The following CDH13 variants were observed in gnomAD, a reference collection of about 807,000 sequenced individuals.
CDH13 encodes the protein cadherin 13.
Under a neutral mutation model 63.8 loss-of-function variants are expected in CDH13, and 24 were observed. The ratio of observed to expected loss-of-function variants is 0.38; its 90% confidence interval spans 0.27 to 0.53. The LOEUF is 0.53. CDH13 is among the 20% of genes least tolerant of loss of function. The pLI is 0.85. For synonymous variants in CDH13, 503 were observed against 355.3 expected, an observed-to-expected ratio of 1.42 and a Z score of -4.67; for missense variants, 1,049 against 903.1, an observed-to-expected ratio of 1.16 and a Z score of -2.07.
chr16:83,505,541 T>TGG (rs2074376520), intron 7 of CDH13, among the ~76,000 whole-genome samples: 3 of 124,346 alleles, frequency 2.4e-5, no homozygotes, highest in South Asian at 5.5e-4. Context: ...CTTTTTTTTT[T>TGG]TTTTTTTTTT....
At position 83,557,928 on chromosome 16, in the gene CDH13, G is replaced by A. The variant is rs1363655261; in HGVS notation, c.961-44526G>A. On this transcript the variant is annotated intron_variant, in intron 7 of 13. Transcript: ENST00000567109. ...AAGAGAGACTGCTAAGGGTCTCTGG[G>A]GTGAAGGGTCTATAGATCCGTCACT... Among the ~76,000 whole-genome samples, 5 of 152,106 alleles carry A rather than the reference G, an allele frequency of 3.3e-5. No individual in the cohort carries two copies. In the South Asian group the frequency reaches 8.3e-4, roughly 25 times the overall value.
At chr16:82,656,939 C>G (rs1911369296) in intron 1 of CDH13, among the ~76,000 whole-genome samples, 1 of 133,360 alleles carries the variant, frequency 7.5e-6, no homozygotes, top group Admixed American at 7.7e-5. Flanking sequence ...TTTTTTTTAG[C>G]ATTGAATAAT....
At chr16:83,304,437 G>GT (rs113551848) in intron 5 of CDH13, among the ~76,000 whole-genome samples, 3,984 of 150,640 alleles carry the variant, frequency 0.026, 63 homozygotes, top group East Asian at 0.075. Flanking sequence ...TGATTATTCT[G>GT]TTTTTTTTTC....
chr16:83,555,455 C>T (rs2075582805), intron 7 of CDH13, among the ~76,000 whole-genome samples: 1 of 152,186 alleles, frequency 6.6e-6, no homozygotes, highest in Non-Finnish European at 1.5e-5. Context: ...TCTTAAAAGA[C>T]ATCTTTTTAT....
intron 6 of CDH13, among the ~76,000 whole-genome samples, chr16:83,370,493 G>A (rs1267136746): frequency 2.0e-5 from 3 of 150,278 alleles, no homozygotes; most frequent in South Asian, 2.1e-4. Context: ...AGGTTCAGGG[G>A]TACATGTGCA....
At position 82,777,795 on chromosome 16, in the gene CDH13, C is replaced by A. The variant is rs986160780; in HGVS notation, c.46-80567C>A. On this transcript the variant is annotated intron_variant, in intron 1 of 13. Transcript: ENST00000567109. ...TCATGGGATTGCTGGCAGGATTCTG[C>A]TTTTTCAGGCTGCTGGACTGAGGGC... 2.0e-5 allele frequency among the ~76,000 whole-genome samples: 3 copies of A among 152,100 alleles called. No homozygotes were observed. The East Asian group carries it at 5.8e-4, about 29-fold the overall frequency.
At chr16:83,714,920 G>T (rs1414823618) in intron 10 of CDH13, among the ~76,000 whole-genome samples, 1 of 152,100 alleles carries the variant, frequency 6.6e-6, no homozygotes, top group African/African-American at 2.4e-5. Context: ...TTAAGAGAAA[G>T]GAAAAGTCTT....
intron 3 of CDH13, among the ~76,000 whole-genome samples, chr16:83,062,955 G>T (rs1288957828): frequency 7.1e-6 from 1 of 141,252 alleles, no homozygotes; most frequent in Non-Finnish European, 1.5e-5. Context: ...CTTATGTGGT[G>T]GTTGGCATTT....
intron 3 of CDH13, among the ~76,000 whole-genome samples, chr16:83,077,011 G>C (rs556111598): frequency 1.3e-5 from 2 of 151,988 alleles, no homozygotes; most frequent in South Asian, 4.2e-4. Context: ...GTTTCTTCAT[G>C]ACCTTCCTAG....
intron 2 of CDH13, among the ~76,000 whole-genome samples, chr16:82,923,553 G>A (rs897520277): frequency 1.1e-4 from 16 of 152,156 alleles, no homozygotes; most frequent in African/African-American, 3.4e-4. Flanking sequence ...GGAATCTAGT[G>A]GGGCATCAGA....
At chr16:82,939,935 C>T (rs1205946303) in intron 2 of CDH13, among the ~76,000 whole-genome samples, 3 of 152,152 alleles carry the variant, frequency 2.0e-5, no homozygotes, top group Non-Finnish European at 4.4e-5. Flanking sequence ...GACTCACAGC[C>T]CTCACAATCA....
chr16:83,305,372 A>G (rs113166164), intron 5 of CDH13, among the ~76,000 whole-genome samples: 4,590 of 152,336 alleles, frequency 0.03, 106 homozygotes, highest in Non-Finnish European at 0.039. Flanking sequence ...CACAGAAAGC[A>G]TCCTGCTTGG....
At chr16:82,765,490 C>T (rs1301767597) in intron 1 of CDH13, among the ~76,000 whole-genome samples, 1 of 152,182 alleles carries the variant, frequency 6.6e-6, no homozygotes, top group East Asian at 1.9e-4. Context: ...AATCCGCTGA[C>T]AGCTCCCCAC....
At chr16:83,172,262 A>G (rs1254770430) in intron 4 of CDH13, among the ~76,000 whole-genome samples, 5 of 152,116 alleles carry the variant, frequency 3.3e-5, no homozygotes, top group Non-Finnish European at 7.4e-5. Context: ...AGGCCGAGGC[A>G]GGCAGATCAC....
chr16:82,679,251 C>T (rs1004787371), intron 1 of CDH13, among the ~76,000 whole-genome samples: 3 of 152,144 alleles, frequency 2.0e-5, no homozygotes, highest in Non-Finnish European at 2.9e-5. Context: ...TAGCTGAGGC[C>T]AGGTGCTGTC....
At chr16:82,691,175 G>T (rs920837050) in intron 1 of CDH13, among the ~76,000 whole-genome samples, 1 of 152,200 alleles carries the variant, frequency 6.6e-6, no homozygotes, top group African/African-American at 2.4e-5. Flanking sequence ...GACCCTCGTG[G>T]AGGTGTTACC....
chr16:83,050,428 A>C (rs1017679317), intron 3 of CDH13, among the ~76,000 whole-genome samples: 1 of 152,262 alleles, frequency 6.6e-6, no homozygotes, highest in South Asian at 2.1e-4. Context: ...GCAGTCCTTG[A>C]AATGCTCTTC....
chr16:82,790,386 G>C (rs1597590208), intron 1 of CDH13, among the ~76,000 whole-genome samples: 1 of 152,242 alleles, frequency 6.6e-6, no homozygotes, highest in South Asian at 2.1e-4. Flanking sequence ...AGTGAGCCAA[G>C]ATCGCACCAC....
intron 4 of CDH13, among the ~76,000 whole-genome samples, chr16:83,137,472 T>G (rs2036339999): frequency 6.6e-6 from 1 of 152,226 alleles, no homozygotes; most frequent in Non-Finnish European, 1.5e-5. Flanking sequence ...CCGGAGGTCG[T>G]GTCTTCGTTT....
Sources: allele counts gnomAD v4.1 joint callset (sites outside exome capture counted in the v4.1 genomes callset), GRCh38; gene constraint gnomAD v4.1.1; transcripts MANE v1.5; gene names NCBI Gene and HGNC (gene_info 2026-07-23, HGNC 2026-07-21).